Variants in ARID4B observed in about 807,000 individuals in gnomAD.
The protein encoded by ARID4B is AT-rich interaction domain 4B.
Under a neutral mutation model 147.5 loss-of-function variants are expected in ARID4B, and 26 were observed. The observed-to-expected ratio is 0.18, with a 90% confidence interval of 0.13 to 0.24. The LOEUF is 0.24. Among genes scored for constraint, ARID4B ranks in the 10% least tolerant of loss-of-function variants. ARID4B has a pLI of 1.00. For synonymous variants in ARID4B, 512 were observed against 507.9 expected, an observed-to-expected ratio of 1.01 and a Z score of -0.11; for missense variants, 1,179 against 1,511.5, an observed-to-expected ratio of 0.78 and a Z score of 3.65.
rs1675467461 is a variant in ARID4B, at chr1:235,328,005, G to C, written c.-286C>G. On this transcript the variant is annotated 5_prime_UTR_variant, in exon 1 of 24. Coordinates refer to ENST00000264183, the MANE Select transcript of ARID4B (RefSeq NM_016374.6). ...ACGACGAAAAATCCCCCCCGGACTG[G>C]AGGTCCGGGCCCCCAATCGCGCTGC... The C allele has an allele frequency of 6.6e-6, 1 of 152,568 alleles. No homozygotes were observed. The highest frequency in any genetic ancestry group is 2.1e-4 in the South Asian group (1 of 4,846). The allele number at this position is 152,568 out of a possible 1,614,324, so 9.5% of individuals were successfully genotyped here.
chr1:235,236,847 T>A lies in ARID4B; in HGVS notation c.586-2355A>T, dbSNP rs1286765235. On this transcript the variant is annotated intron_variant, in intron 8 of 23. Coordinates refer to ENST00000264183, the MANE Select transcript of ARID4B (RefSeq NM_016374.6). ...GTTTTATAAAAAATATATATATATA[T>A]ATATATATATATATATTTTTTTTTT... Among the ~76,000 whole-genome samples, 28 of 38,814 alleles carry A rather than the reference T, an allele frequency of 7.2e-4. 1 individual carries two copies. The East Asian group carries it at 0.027, about 37-fold the overall frequency. The allele number at this position is 38,814 out of a possible 152,430, so 25.5% of individuals were successfully genotyped here. A position where few individuals can be genotyped will look rare whatever the true frequency, so the allele number is the denominator to read the frequency against.
intron 20 of ARID4B, among the ~76,000 whole-genome samples, chr1:235,179,340 G>A (rs1028049655): frequency 1.3e-5 from 2 of 151,484 alleles, no homozygotes; most frequent in Non-Finnish European, 2.9e-5. Context: ...TCGTAGACCA[G>A]CCTGGCCAAC....
At chr1:235,216,332 C>CACACACATAT (rs147460230) in intron 16 of ARID4B, among the ~76,000 whole-genome samples, 12 of 151,152 alleles carry the variant, frequency 7.9e-5, no homozygotes, top group Admixed American at 5.9e-4. Context: ...CACACACACA[C>CACACACATAT]ATATATACGT....
At chr1:235,307,904 TCA>T (rs1673694165) in intron 2 of ARID4B, among the ~76,000 whole-genome samples, 2 of 152,010 alleles carry the variant, frequency 1.3e-5, no homozygotes, top group South Asian at 4.1e-4. Flanking sequence ...CAATCAAGGC[TCA>T]CTGCAGCCTT....
At chr1:235,177,532 T>G (rs1482766456) in intron 21 of ARID4B, 3 of 253,712 alleles carry the variant, frequency 1.2e-5, no homozygotes, top group Non-Finnish European at 2.2e-5. Context: ...ATGTGCAGGT[T>G]TGTTACATAG....
intron 2 of ARID4B, among the ~76,000 whole-genome samples, chr1:235,303,881 T>A (rs1232620918): frequency 6.6e-6 from 1 of 152,232 alleles, no homozygotes; most frequent in East Asian, 1.9e-4. Context: ...AATTGGTTAT[T>A]TGGAGACATT....
At chr1:235,232,376 C>A (rs1195276529) in intron 9 of ARID4B, among the ~76,000 whole-genome samples, 1 of 151,630 alleles carries the variant, frequency 6.6e-6, no homozygotes, top group African/African-American at 2.4e-5. Flanking sequence ...GCTGAGATTG[C>A]GCCATTGCAC....
chr1:235,327,464 G>T (rs1483612048), intron 1 of ARID4B: 1 of 152,196 alleles, frequency 6.6e-6, no homozygotes, highest in Non-Finnish European at 1.5e-5. Flanking sequence ...ACAAGTGGGA[G>T]CGAGATCAAC....
intron 2 of ARID4B, among the ~76,000 whole-genome samples, chr1:235,282,380 A>T (rs1416553848): frequency 6.6e-6 from 1 of 152,238 alleles, no homozygotes; most frequent in Non-Finnish European, 1.5e-5. Context: ...GGATATAATC[A>T]ACGCAAAGCA....
At chr1:235,229,850 G>A (rs1258211629) in intron 10 of ARID4B, among the ~76,000 whole-genome samples, 1 of 152,022 alleles carries the variant, frequency 6.6e-6, no homozygotes, top group East Asian at 1.9e-4. Flanking sequence ...TAAAACTATG[G>A]TAACAATTAC....
intron 9 of ARID4B, among the ~76,000 whole-genome samples, 200 bp from the exon 10 acceptor site, chr1:235,231,389 CAGA>C (rs892870344): frequency 2.0e-5 from 3 of 152,204 alleles, no homozygotes; most frequent in African/African-American, 7.2e-5. Flanking sequence ...TAATCATCTA[CAGA>C]AGGATCCTAC....
chr1:235,193,565 C>G (rs990735754), intron 19 of ARID4B, among the ~76,000 whole-genome samples: 3 of 152,006 alleles, frequency 2.0e-5, no homozygotes, highest in African/African-American at 7.3e-5. Flanking sequence ...AGTAACAATG[C>G]TAAAAGTTGA....
intron 16 of ARID4B, among the ~76,000 whole-genome samples, chr1:235,214,315 G>A (rs957766459): frequency 1.3e-5 from 2 of 152,124 alleles, no homozygotes; most frequent in African/African-American, 2.4e-5. Flanking sequence ...CAAGAAGCAA[G>A]TATGGTCAAC....
At chr1:235,281,871 C>G (rs1671692274) in intron 2 of ARID4B, among the ~76,000 whole-genome samples, 1 of 152,062 alleles carries the variant, frequency 6.6e-6, no homozygotes, top group Non-Finnish European at 1.5e-5. Context: ...CTGAAAAAAT[C>G]AGAAATACAA....
chr1:235,173,414 C>T lies in ARID4B; in HGVS notation c.3665-650G>A, dbSNP rs1211759423. 1.1e-4 allele frequency among the ~76,000 whole-genome samples: 16 copies of T among 151,884 alleles called. 1 individual carries two copies. The highest frequency in any genetic ancestry group is 1.0e-3 in the Admixed American group (16 of 15,242). On this transcript the variant is annotated intron_variant, in intron 22 of 23. Transcript: ENST00000264183. ...AGACACCAAAATGCTAAATTGTACACATTTTGTGAGTAACAAGACTGTGGA... is the reference window on the plus strand; with the variant it reads ...AGACACCAAAATGCTAAATTGTACATATTTTGTGAGTAACAAGACTGTGGA...
At chr1:235,236,457 T>C (rs995064198) in intron 8 of ARID4B, among the ~76,000 whole-genome samples, 12 of 151,800 alleles carry the variant, frequency 7.9e-5, no homozygotes. Context: ...TTAAAAAATT[T>C]AATGTTCCTA....
chr1:235,215,819 G>C (rs530407135), intron 16 of ARID4B, among the ~76,000 whole-genome samples: 97 of 151,474 alleles, frequency 6.4e-4, no homozygotes, highest in Non-Finnish European at 1.4e-3. Flanking sequence ...GAACTCCCGG[G>C]CTCAAGCAAT....
At chr1:235,191,633 C>T (rs969002189) in intron 19 of ARID4B, among the ~76,000 whole-genome samples, 5 of 152,160 alleles carry the variant, frequency 3.3e-5, no homozygotes, top group African/African-American at 1.2e-4. Context: ...ACTGAATTCT[C>T]TAGAGGGGCT....
At chr1:235,232,368 T>C (rs568507804) in intron 9 of ARID4B, among the ~76,000 whole-genome samples, 7 of 151,942 alleles carry the variant, frequency 4.6e-5, no homozygotes, top group African/African-American at 1.2e-4. Flanking sequence ...TGCAGTGAGC[T>C]GAGATTGCGC....
Sources: allele counts gnomAD v4.1 joint callset (sites outside exome capture counted in the v4.1 genomes callset), GRCh38; gene constraint gnomAD v4.1.1; transcripts MANE v1.5; gene names NCBI Gene and HGNC (gene_info 2026-07-23, HGNC 2026-07-21).